The following ABTB3 variants were observed in gnomAD, a reference collection of about 807,000 sequenced individuals.
ABTB3 encodes ankyrin repeat and BTB domain containing 3, also known as ankyrin repeat- and BTB/POZ domain-containing protein 3.
the ABTB3 span, among the ~76,000 whole-genome samples, chr12:107,415,262 C>T: frequency 6.6e-6 from 1 of 151,572 alleles, no homozygotes; most frequent in African/African-American, 2.4e-5. Flanking sequence ...GACTCAGACC[C>T]ACTGACTCAG....
the ABTB3 span, among the ~76,000 whole-genome samples, chr12:107,598,684 G>C: frequency 6.6e-6 from 1 of 152,238 alleles, no homozygotes; most frequent in Non-Finnish European, 1.5e-5. Flanking sequence ...ACACAGTAAA[G>C]AATGGTACAT....
the ABTB3 span, among the ~76,000 whole-genome samples, chr12:107,542,678 AT>A: frequency 2.0e-5 from 3 of 152,194 alleles, no homozygotes; most frequent in Non-Finnish European, 4.4e-5. Context: ...TACTACTAAT[AT>A]CCCACTGTTG....
chr12:107,386,780 A>C, the ABTB3 span, among the ~76,000 whole-genome samples: 1 of 152,092 alleles, frequency 6.6e-6, no homozygotes, highest in South Asian at 2.1e-4. Flanking sequence ...TTTTTCCTGC[A>C]GCTGCCACAC....
At chr12:107,373,784 C>G in the ABTB3 span, among the ~76,000 whole-genome samples, 10 of 151,806 alleles carry the variant, frequency 6.6e-5, no homozygotes, top group African/African-American at 2.4e-4. Flanking sequence ...ACTTTCTCTT[C>G]CCTGGAGAGA....
chr12:107,629,275 T>A, the ABTB3 span, among the ~76,000 whole-genome samples: 1 of 151,886 alleles, frequency 6.6e-6, no homozygotes, highest in Non-Finnish European at 1.5e-5. Context: ...CACACACAAT[T>A]AGCTGGGCAC....
the ABTB3 span, chr12:107,649,491 T>C: frequency 3.7e-6 from 2 of 547,704 alleles, no homozygotes; most frequent in South Asian, 2.2e-5. Flanking sequence ...GCTGGGGTGC[T>C]AGTGCACTTG....
At chr12:107,571,430 CT>C in the ABTB3 span, among the ~76,000 whole-genome samples, 1 of 152,204 alleles carries the variant, frequency 6.6e-6, no homozygotes, top group Non-Finnish European at 1.5e-5. Context: ...CCTTTTGCTA[CT>C]TTTTATGATT....
the ABTB3 span, among the ~76,000 whole-genome samples, chr12:107,325,108 G>T: frequency 6.6e-6 from 1 of 152,236 alleles, no homozygotes; most frequent in African/African-American, 2.4e-5. Context: ...TCAGGCTGGA[G>T]ATAACAATAA....
the ABTB3 span, among the ~76,000 whole-genome samples, chr12:107,388,989 T>C: frequency 6.6e-6 from 1 of 152,146 alleles, no homozygotes; most frequent in Admixed American, 6.6e-5. Context: ...TTTACATTTT[T>C]CCTTTTGGAG....
chr12:107,539,546 G>T, the ABTB3 span, among the ~76,000 whole-genome samples: 1 of 152,176 alleles, frequency 6.6e-6, no homozygotes, highest in Non-Finnish European at 1.5e-5. Context: ...CAGCTTTGCA[G>T]TGTAGAGTCC....
the ABTB3 span, among the ~76,000 whole-genome samples, chr12:107,586,706 C>T: frequency 7.9e-5 from 12 of 152,290 alleles, no homozygotes; most frequent in African/African-American, 2.9e-4. Context: ...AGACAGGCCG[C>T]GGAGCCTGCT....
the ABTB3 span, among the ~76,000 whole-genome samples, chr12:107,404,205 A>C: frequency 1.3e-5 from 2 of 151,206 alleles, no homozygotes; most frequent in Non-Finnish European, 2.9e-5. Flanking sequence ...AAGAAGAAGA[A>C]GTAAATGACA....
the ABTB3 span, among the ~76,000 whole-genome samples, chr12:107,561,669 C>T: frequency 1.1e-4 from 16 of 152,088 alleles, no homozygotes; most frequent in African/African-American, 3.9e-4. Context: ...GACCCTTGCT[C>T]CAAGGAGGGA....
chr12:107,518,427 A>T, the ABTB3 span, among the ~76,000 whole-genome samples: 2 of 152,206 alleles, frequency 1.3e-5, no homozygotes, highest in African/African-American at 4.8e-5. Context: ...GCAGCCATAA[A>T]AAATGATGAG....
At chr12:107,508,641 A>T in the ABTB3 span, among the ~76,000 whole-genome samples, 4 of 151,512 alleles carry the variant, frequency 2.6e-5, no homozygotes, top group East Asian at 7.8e-4. Context: ...TTTTTAGTAG[A>T]GACAGAGTTT....
the ABTB3 span, among the ~76,000 whole-genome samples, chr12:107,646,878 T>C: frequency 2.6e-5 from 4 of 151,332 alleles, no homozygotes; most frequent in African/African-American, 9.7e-5. Context: ...CCACTGCAGA[T>C]GACCGCTGAC....
At chr12:107,474,895 C>T in the ABTB3 span, among the ~76,000 whole-genome samples, 24 of 152,158 alleles carry the variant, frequency 1.6e-4, no homozygotes, top group African/African-American at 5.3e-4. Context: ...ATTCTGATTT[C>T]CAGCCAGGTC....
chr12:107,493,073 C>CGG, the ABTB3 span, among the ~76,000 whole-genome samples: 6 of 137,026 alleles, frequency 4.4e-5, no homozygotes, highest in African/African-American at 1.8e-4. Flanking sequence ...GGCCAAGCCA[C>CGG]AGAGAAAAGA....
At chr12:107,464,206 AGTGTGTGTGTGTGTGTGTGTGTGTGTGT>A in the ABTB3 span, among the ~76,000 whole-genome samples, 3 of 133,536 alleles carry the variant, frequency 2.2e-5, no homozygotes, top group Non-Finnish European at 4.8e-5. Flanking sequence ...ACATGTGAAG[AGTGTGTGTGTGTGTGTGTGTGTGTGTGT>A]GTGTGTGTGT....
Sources: allele counts gnomAD v4.1 joint callset (sites outside exome capture counted in the v4.1 genomes callset), GRCh38; gene constraint gnomAD v4.1.1; transcripts MANE v1.5; gene names NCBI Gene and HGNC (gene_info 2026-07-23, HGNC 2026-07-21).